The following GRM7 variants were observed in gnomAD, a reference collection of about 807,000 sequenced individuals.
GRM7 encodes the protein metabotropic glutamate receptor 7.
A neutral mutation model predicts 84.5 loss-of-function variants in GRM7; 35 were observed. That is an observed-to-expected ratio of 0.41 (90% CI 0.32 to 0.55). The LOEUF is 0.55. Among genes scored for constraint, GRM7 ranks in the 20% least tolerant of loss-of-function variants. The pLI, the probability that GRM7 is intolerant of heterozygous loss-of-function variation, is 0.19. For synonymous variants in GRM7, 487 were observed against 455.1 expected (o/e 1.07, Z -0.89); for missense variants, 1,003 against 1,194.6 (o/e 0.84, Z 2.36).
intron 5 of GRM7, among the ~76,000 whole-genome samples, chr3:7,418,963 A>G (rs928804662): frequency 7.9e-5 from 12 of 152,180 alleles, no homozygotes; most frequent in East Asian, 7.7e-4. Context: ...TGTTGAGTGG[A>G]TTAAATCAGT....
intron 8 of GRM7, among the ~76,000 whole-genome samples, chr3:7,667,944 C>A (rs571737978): frequency 6.6e-6 from 1 of 151,108 alleles, no homozygotes; most frequent in Admixed American, 6.6e-5. Context: ...TGTGAGGAGA[C>A]AATTAGGTGC....
intron 1 of GRM7, among the ~76,000 whole-genome samples, chr3:7,073,242 A>G (rs1017996720): frequency 2.0e-5 from 3 of 152,080 alleles, no homozygotes; most frequent in African/African-American, 7.2e-5. Context: ...TGCATCCAAG[A>G]TACAAAAAAA....
At chr3:7,051,676 A>T (rs1697005633) in intron 1 of GRM7, among the ~76,000 whole-genome samples, 1 of 151,804 alleles carries the variant, frequency 6.6e-6, no homozygotes, top group South Asian at 2.1e-4. Flanking sequence ...CTTGTAATTT[A>T]AAAGATTGGT....
intron 8 of GRM7, among the ~76,000 whole-genome samples, chr3:7,672,437 A>G (rs1420640241): frequency 1.3e-5 from 2 of 152,160 alleles, no homozygotes; most frequent in Admixed American, 6.5e-5. Context: ...TTTTTATTAC[A>G]TAGTCACTGG....
chr3:7,434,284 T>C lies in GRM7; in HGVS notation c.1175-18323T>C, dbSNP rs866379380. Among the ~76,000 whole-genome samples the C allele has an allele frequency of 2.0e-5, 3 of 152,232 alleles. No individual in the cohort carries two copies. In the South Asian group the frequency reaches 6.2e-4, roughly 31 times the overall value. On this transcript the variant is annotated intron_variant, in intron 5 of 9. Transcript: ENST00000357716. ...CACAGTGCTTTCTTATTTCAGTGCA[T>C]TTTGTCTTGCTTTATTGCACTGATG...
At chr3:7,252,684 T>TTCTTTTCTTTTTTTTTTTTCTTTTTTTC (rs6147696) in intron 2 of GRM7, among the ~76,000 whole-genome samples, 2 of 118,236 alleles carry the variant, frequency 1.7e-5, no homozygotes, top group East Asian at 2.6e-4. Context: ...TTCTTTTCTT[T>TTCTTTTCTTTTTTTTTTTTCTTTTTTTC]TTTTCTTTTC....
rs567840333 is a variant in GRM7, at chr3:7,436,890, T to C, written c.1175-15717T>C. Among the ~76,000 whole-genome samples, 4 of 152,056 alleles carry C rather than the reference T, an allele frequency of 2.6e-5. No homozygotes were observed. In the East Asian group the frequency reaches 7.7e-4, roughly 29 times the overall value. ...TTATTTCCAGTTTCTCTGTTGACTT[T>C]GGAATCTATATTCTGGCCTCAGGTC... On this transcript the variant is annotated intron_variant, in intron 5 of 9. Coordinates refer to ENST00000357716, the MANE Select transcript of GRM7 (RefSeq NM_000844.4).
At chr3:7,613,450 A>G (rs1348881164) in intron 8 of GRM7, among the ~76,000 whole-genome samples, 1 of 152,144 alleles carries the variant, frequency 6.6e-6, no homozygotes, top group East Asian at 1.9e-4. Context: ...TGAACACTCT[A>G]AATATGTGGC....
In GRM7 at chr3:7,377,263, G is replaced by A. The variant is rs569130110; in HGVS notation, c.1034-37760G>A. On this transcript the variant is annotated intron_variant, in intron 4 of 9. Coordinates refer to ENST00000357716, the MANE Select transcript of GRM7 (RefSeq NM_000844.4). ...TTCAAGTCAAATGTGTAGAGTGGAAGTGTGACCACAGGGGTGTTGAGCACA... is the reference window on the plus strand; with the variant it reads ...TTCAAGTCAAATGTGTAGAGTGGAAATGTGACCACAGGGGTGTTGAGCACA... 9.9e-5 allele frequency among the ~76,000 whole-genome samples: 15 copies of A among 152,252 alleles called. No homozygotes were observed. The East Asian group carries it at 2.9e-3, about 29-fold the overall frequency.
At chr3:7,060,959 C>T (rs1697415998) in intron 1 of GRM7, among the ~76,000 whole-genome samples, 1 of 151,774 alleles carries the variant, frequency 6.6e-6, no homozygotes. Context: ...TTATAGAACA[C>T]ACTGCCGTTG....
chr3:7,125,773 T>C (rs2125048114), intron 1 of GRM7, among the ~76,000 whole-genome samples: 1 of 152,330 alleles, frequency 6.6e-6, no homozygotes, highest in South Asian at 2.1e-4. Flanking sequence ...AGTAAAAATA[T>C]TTACAGTGAG....
chr3:6,929,054 T>A (rs1697405514), intron 1 of GRM7, among the ~76,000 whole-genome samples: 1 of 152,218 alleles, frequency 6.6e-6, no homozygotes, highest in Non-Finnish European at 1.5e-5. Context: ...AAAAGGACAG[T>A]AATATCTGTA....
chr3:7,359,220 TTGTGTGTGTGTGTG>T (rs34535570), intron 4 of GRM7, among the ~76,000 whole-genome samples: 3 of 133,236 alleles, frequency 2.3e-5, no homozygotes, highest in East Asian at 2.0e-4. Context: ...GTGTTTGTGT[TTGTGTGTGTGTGTG>T]TGTGTGTGTG....
chr3:7,268,606 T>G (rs1698736082), intron 2 of GRM7, among the ~76,000 whole-genome samples: 2 of 152,266 alleles, frequency 1.3e-5, no homozygotes, highest in Non-Finnish European at 2.9e-5. Flanking sequence ...TCTGTTTTAT[T>G]CTGATGAGCT....
chr3:7,047,139 T>A (rs1696834845), intron 1 of GRM7, among the ~76,000 whole-genome samples: 1 of 152,032 alleles, frequency 6.6e-6, no homozygotes, highest in South Asian at 2.1e-4. Flanking sequence ...ACCTGTTTTT[T>A]TTTTAATAAA....
chr3:7,432,733 G>C (rs1049287435), intron 5 of GRM7, among the ~76,000 whole-genome samples: 10 of 152,078 alleles, frequency 6.6e-5, no homozygotes, highest in African/African-American at 2.4e-4. Flanking sequence ...TCAAACGAAG[G>C]CTATCAAAAA....
chr3:7,481,123 G>T (rs1232406803), intron 7 of GRM7, among the ~76,000 whole-genome samples: 1 of 151,278 alleles, frequency 6.6e-6, no homozygotes, highest in African/African-American at 2.4e-5. Context: ...CTATTACCCA[G>T]GCTGGAATGC....
chr3:6,911,261 T>C (rs1334985388), intron 1 of GRM7, among the ~76,000 whole-genome samples: 2 of 152,164 alleles, frequency 1.3e-5, no homozygotes, highest in East Asian at 1.9e-4. Context: ...TCAGCCTTTA[T>C]TTGGCCAAAA....
Position 7,530,324 on chromosome 3 carries a change from T to A in GRM7, c.1516-48098T>A, listed in dbSNP as rs150030591. ...CCCTATGTTGTATATGTGCCGCATT[T>A]TCTTTATCCAGTCTATCATTAATGG... is the stretch of plus-strand genomic sequence containing the variant. On this transcript the variant is annotated intron_variant, in intron 7 of 9. Transcript: ENST00000357716. Among the ~76,000 whole-genome samples, 429 of 152,304 alleles carry A rather than the reference T, an allele frequency of 2.8e-3. 3 individuals are homozygous for A. The highest frequency in any genetic ancestry group is 9.9e-3 in the African/African-American group (411 of 41,558).
Sources: gnomAD v4.1 joint callset for allele counts (sites outside exome capture counted in the v4.1 genomes callset) on GRCh38, gnomAD v4.1.1 for gene constraint, MANE v1.5 for transcripts, NCBI Gene and HGNC (gene_info 2026-07-23, HGNC 2026-07-21) for gene names.